The following MRPL46 variants were observed in gnomAD, a reference collection of about 807,000 sequenced individuals.
The protein encoded by MRPL46 is mitochondrial ribosomal protein L46, also known as large ribosomal subunit protein mL46.
A neutral mutation model predicts 31.0 loss-of-function variants in MRPL46; 26 were observed. That is an observed-to-expected ratio of 0.84 (90% CI 0.61 to 1.16). The LOEUF is 1.16. Among genes scored for constraint, MRPL46 ranks in the 50% most tolerant of loss-of-function variants. The pLI is 0.00. For synonymous variants in MRPL46, 159 were observed against 141.3 expected (o/e 1.13, Z -0.89); for missense variants, 395 against 340.0 (o/e 1.16, Z -1.27).
rs114017694 is a variant in MRPL46, at chr15:88,465,651, C to T, written c.351G>A (p.Ala117=). The stretch of plus-strand genomic sequence containing the variant: ...GCTCCCACATATCTTCCAAATCTTG[C>T]GCCAGCAATATATCCTGTTCATCTT... ...DEEDEQDILL[A]QDLEDMWEQK... is the part of the protein sequence containing the mutation. Residue 117 remains alanine, a synonymous_variant, in exon 2 of 4, where the codon GCG becomes GCA. Coordinates refer to ENST00000312475, the MANE Select transcript of MRPL46 (RefSeq NM_022163.4). 5.4e-4 allele frequency: 879 copies of T among 1,613,150 alleles called. 3 individuals carry two copies. In the African/African-American group the frequency reaches 8.0e-3, roughly 15 times the overall value.
intron 2 of MRPL46, chr15:88,465,189 G>C (rs1004358900): frequency 7.5e-5 from 31 of 410,696 alleles, no homozygotes; most frequent in African/African-American, 6.4e-4. Flanking sequence ...TACTATTACT[G>C]ACTTAACTAG....
rs2055497744 is a variant in MRPL46 at position 88,463,820 on chromosome 15, T to C, written c.589+883A>G. ...AATGAACAGCAAGACGGCAGACTGA[T>C]GAGACTGGGATCAGGGCAAATAAGA... On this transcript the variant is annotated intron_variant, in intron 3 of 3. Coordinates refer to ENST00000312475, the MANE Select transcript of MRPL46 (RefSeq NM_022163.4). The surrounding 1 kb of genome is among the most constrained non-coding windows in gnomAD (Gnocchi z 5.4). 6.6e-6 allele frequency: 1 copy of C among 152,186 alleles called. No homozygotes were observed. The highest frequency in any genetic ancestry group is 2.4e-5 in the African/African-American group (1 of 41,440). 9.4% of individuals were successfully genotyped at this position (152,186 alleles called of 1,614,324 possible).
chr15:88,465,306 A>G lies in MRPL46; in HGVS notation c.415+281T>C, dbSNP rs182692194. On this transcript the variant is annotated intron_variant, in intron 2 of 3. Coordinates refer to ENST00000312475, the MANE Select transcript of MRPL46 (RefSeq NM_022163.4). ...CATAAAACACAGGAATTAGTGGAAA[A>G]AGGCTTCATTTGCCCCACTCTCAGT... 7.1e-3 allele frequency: 3,039 copies of G among 430,454 alleles called. 23 individuals carry two copies. Among genetic ancestry groups the G allele is most frequent in the Non-Finnish European group, 1.0e-2 (2,464 of 246,510 alleles). The allele number at this position is 430,454 out of a possible 1,614,324, so 26.7% of individuals were successfully genotyped here.
chr15:88,465,625 T>C lies in MRPL46; in HGVS notation c.377A>G (p.Gln126Arg). The C allele has an allele frequency of 6.2e-7, 1 of 1,612,414 alleles. No homozygotes were observed. Among genetic ancestry groups the C allele is most frequent in the South Asian group, 1.1e-5 (1 of 90,604 alleles). ...LAQDLEDMWE[Q>R]KFLQFKLGAR... ...TCCAAGTTTGAACTGTAGAAATTTC[T>C]GCTCCCACATATCTTCCAAATCTTG... The change falls in exon 2 of 4, where the codon CAG becomes CGG. Residue 126 changes from glutamine (Q) to arginine (R), a missense_variant. By Grantham distance (43) the Gln-to-Arg change is conservative (BLOSUM62 1). Transcript: ENST00000312475.
rs139566642 is a variant in MRPL46, at chr15:88,459,663, A to T, written c.790T>A (p.Leu264Met). ...ACTTGGGCCAGGTATTTTGGTTTCA[A>T]ATAGTCACCCAGCTCATCCTTAGTG... ...WVTKDELGDY[L>M]KPKYLAQVRR... The change falls in exon 4 of 4, where the codon TTG (leucine) becomes ATG (methionine). Residue 264 changes from leucine to methionine, a missense_variant. By Grantham distance (15) the Leu-to-Met change is conservative (BLOSUM62 2). Coordinates refer to ENST00000312475, the MANE Select transcript of MRPL46 (RefSeq NM_022163.4). The T allele has an allele frequency of 1.2e-6, 2 of 1,614,072 alleles. No individual in the cohort carries two copies. Among genetic ancestry groups the T allele is most frequent in the African/African-American group, 2.7e-5 (2 of 74,922 alleles).
At position 88,459,845 on chromosome 15, in the gene MRPL46, T is replaced by A. The variant is rs368264703; in HGVS notation, c.608A>T (p.Lys203Met). 6.2e-6 allele frequency: 10 copies of A among 1,613,978 alleles called. No individual in the cohort carries two copies. The East Asian group carries it at 2.2e-4, about 36-fold the overall frequency. The change falls in exon 4 of 4, where the codon AAG becomes ATG. Residue 203 changes from lysine (K) to methionine (M), a missense_variant. Lys to Met is a moderately conservative substitution (Grantham distance 95, BLOSUM62 -1). Transcript: ENST00000312475. ...CCCACAGGGTGCATTTCCTAGGAAC[T>A]TGGCTTCCATGTTGTTTTCTGAAGA... ...ATLSENNMEA[K>M]FLGNAPCGHY...
intron 1 of MRPL46, 129 bp from the exon 2 acceptor site, chr15:88,465,902 G>T: frequency 1.2e-6 from 1 of 835,896 alleles, no homozygotes; most frequent in Non-Finnish European, 1.8e-6. Flanking sequence ...AACATAACCA[G>T]ATACACAGTC....
Position 88,465,525 on chromosome 15 carries a change from T to C in MRPL46, c.415+62A>G. 7 of 1,469,022 alleles carry C rather than the reference T, an allele frequency of 4.8e-6. No individual in the cohort carries two copies. In the South Asian group the frequency reaches 1.0e-4, roughly 21 times the overall value. The allele number at this position is 1,469,022 out of a possible 1,614,324, so 91.0% of individuals were successfully genotyped here. ...CAAAGCAGGGGCCAAGCAACTGTCT[T>C]TTATTTGGGAATCCAAATACCCCTT... is the stretch of plus-strand genomic sequence containing the variant. On this transcript the variant is annotated intron_variant, in intron 2 of 3. Transcript: ENST00000312475.
chr15:88,467,179 G>C lies in MRPL46; in HGVS notation c.199C>G (p.Gln67Glu), dbSNP rs756310544. ...PVVSKPLTPLQEEMASLLQQI... is the reference protein window; with the variant it reads ...PVVSKPLTPLEEEMASLLQQI... ...TGCAGTAGAGACGCCATCTCTTCCT[G>C]CAATGGGGTCAACGGCTTGGAGACT... Residue 67 changes from glutamine to glutamate, a missense_variant, in exon 1 of 4, where the codon CAG (glutamine) becomes GAG (glutamate). Transcript: ENST00000312475. 1.9e-6 allele frequency: 3 copies of C among 1,614,128 alleles called. No homozygotes were observed. The highest frequency in any genetic ancestry group is 2.5e-6 in the Non-Finnish European group (3 of 1,180,006).
chr15:88,464,455 A>C (rs2055503460), intron 3 of MRPL46: 2 of 435,260 alleles, frequency 4.6e-6, no homozygotes, highest in South Asian at 5.4e-5. Context: ...TAGAAATATC[A>C]ATTTTGAATG....
At chr15:88,465,800 T>G in intron 1 of MRPL46, 27 bp from the exon 2 acceptor site, 1 of 1,535,350 alleles carries the variant, frequency 6.5e-7, no homozygotes, top group Non-Finnish European at 8.7e-7. Context: ...GGCAAAAAAC[T>G]ACCTTAATCT....
At chr15:88,465,370 T>C (rs1161269053) in intron 2 of MRPL46, 2 of 467,722 alleles carry the variant, frequency 4.3e-6, no homozygotes, top group Non-Finnish European at 7.2e-6. Context: ...ATTCACAAAG[T>C]TTAACTGAGA....
intron 2 of MRPL46, 56 bp from the exon 3 acceptor site, chr15:88,464,932 A>C: frequency 6.4e-7 from 1 of 1,551,130 alleles, no homozygotes; most frequent in African/African-American, 1.4e-5. Flanking sequence ...AGAACCAAGA[A>C]ACCTGGAGTT....
At position 88,467,280 on chromosome 15, in the gene MRPL46, G is replaced by A. The variant is rs773570970; in HGVS notation, c.98C>T (p.Ala33Val). 4 of 1,613,566 alleles carry A rather than the reference G, an allele frequency of 2.5e-6. No homozygotes were observed. Among genetic ancestry groups the A allele is most frequent in the South Asian group, 2.2e-5 (2 of 91,042 alleles). ...GTTGCTTGAGGGTGCGGCTGCAAGA[G>A]CCAGGCTGCGAGAGCTTAGACTGCC... Reference protein sequence around the residue: ...WAGSLSSRSLALAAAPSSNGS... With the variant: ...WAGSLSSRSLVLAAAPSSNGS... The change falls in exon 1 of 4, where the codon GCT (alanine) becomes GTT (valine). Residue 33 changes from alanine (A) to valine (V), a missense_variant. Transcript: ENST00000312475.
intron 1 of MRPL46, 52 bp from the exon 2 acceptor site, chr15:88,465,825 G>GA (rs201677695): frequency 0.026 from 30,626 of 1,195,604 alleles, no homozygotes; most frequent in South Asian, 0.042. Context: ...AAATTAAAAG[G>GA]AAAAAAAAAA....
At chr15:88,460,972 C>T (rs1320334787) in intron 3 of MRPL46, 1 of 152,088 alleles carries the variant, frequency 6.6e-6, no homozygotes, top group Non-Finnish European at 1.5e-5. Context: ...AACTTGTGGC[C>T]TCAAGTGATC....
Position 88,459,851 on chromosome 15 carries a change from T to C in MRPL46, c.602A>G (p.Glu201Gly). 6.2e-7 allele frequency: 1 copy of C among 1,614,086 alleles called. No individual in the cohort carries two copies. Among genetic ancestry groups the C allele is most frequent in the South Asian group, 1.1e-5 (1 of 91,072 alleles). ...TLATLSENNM[E>G]AKFLGNAPCG... ...GGGTGCATTTCCTAGGAACTTGGCT[T>C]CCATGTTGTTTTCTGAAGAGGGAGG... The change falls in exon 4 of 4, where the codon GAA becomes GGA. Residue 201 changes from glutamate to glycine, a missense_variant. Physicochemically the swap from Glu to Gly is moderately conservative, Grantham distance 98. Transcript: ENST00000312475.
intron 2 of MRPL46, chr15:88,465,147 T>G: frequency 2.3e-6 from 1 of 430,514 alleles, no homozygotes; most frequent in East Asian, 3.8e-5. Context: ...ATGATCATAC[T>G]AATTCAAACA....
chr15:88,462,964 A>G (rs1833404916), intron 3 of MRPL46: 1 of 152,246 alleles, frequency 6.6e-6, no homozygotes, highest in Admixed American at 6.5e-5. Flanking sequence ...AAAGGAAAGC[A>G]TAGTGCTTGG....
Sources: gnomAD v4.1 joint callset for allele counts on GRCh38, gnomAD v4.1.1 for gene constraint, Gnocchi (gnomAD v3.1) non-coding constraint, MANE v1.5 for transcripts, NCBI Gene and HGNC (gene_info 2026-07-23, HGNC 2026-07-21) for gene names.